TNFAIP8: variants seen among roughly 807,000 people sequenced by gnomAD.
TNFAIP8 encodes tumor necrosis factor alpha-induced protein 8.
In TNFAIP8, 7 loss-of-function variants were observed where a neutral mutation model predicts 13.3. That is an observed-to-expected ratio of 0.52 (90% confidence interval 0.30 to 0.99). The LOEUF (loss-of-function observed/expected upper bound fraction) is 0.99. Among genes scored for constraint, TNFAIP8 ranks in the 50% least tolerant of loss-of-function variants. The pLI is 0.07. For missense variants in TNFAIP8, 258 were observed against 236.9 expected (o/e 1.09, Z -0.58); for synonymous variants, 94 against 87.6 (o/e 1.07, Z -0.41).
chr5:119,356,909 G>C (rs1054962115), intron 1 of TNFAIP8, among the ~76,000 whole-genome samples: 2 of 152,104 alleles, frequency 1.3e-5, no homozygotes, highest in Non-Finnish European at 2.9e-5. Context: ...TAAGTGGGGG[G>C]TGGGAGTAAG....
Position 119,393,094 on chromosome 5 carries a change from A to T in TNFAIP8, c.310A>T (p.Lys104Ter). The T allele has an allele frequency of 1.9e-6, 3 of 1,613,948 alleles. No individual in the cohort carries two copies. The highest frequency in any genetic ancestry group is 2.5e-6 in the Non-Finnish European group (3 of 1,179,858). ...DELALMEKFK[K>*]KVHQLAMTVV... ...GCTAGCATTGATGGAGAAATTTAAG[A>T]AGAAAGTTCATCAGCTTGCTATGAC... Residue 104 changes from lysine (K) to a stop codon, truncating the protein, a stop_gained, in exon 2 of 2, where the codon AAG becomes TAG. Coordinates refer to ENST00000504771, the MANE Select transcript of TNFAIP8 (RefSeq NM_014350.4). LOFTEE classifies it high-confidence loss of function.
chr5:119,274,307 A>T (rs1030069919), intron 1 of TNFAIP8, among the ~76,000 whole-genome samples: 3 of 152,356 alleles, frequency 2.0e-5, no homozygotes, highest in Admixed American at 6.5e-5. Flanking sequence ...ACCTCATTCC[A>T]TCATTCTGTG....
At chr5:119,352,180 G>A (rs994254925), upstream of TNFAIP8, among the ~76,000 whole-genome samples, 3 of 152,162 alleles carry the variant, frequency 2.0e-5, no homozygotes, top group African/African-American at 7.2e-5. Flanking sequence ...CTTGTGTTAT[G>A]GAAGGGTAAA....
intron 1 of TNFAIP8, among the ~76,000 whole-genome samples, chr5:119,314,588 C>T (rs1749829216): frequency 6.6e-6 from 1 of 152,204 alleles, no homozygotes; most frequent in South Asian, 2.1e-4. Context: ...GAAACACTCA[C>T]AGGTGGTAGA....
chr5:119,391,099 G>T (rs1752875540), intron 1 of TNFAIP8, among the ~76,000 whole-genome samples: 1 of 151,302 alleles, frequency 6.6e-6, no homozygotes, highest in African/African-American at 2.4e-5. Flanking sequence ...CTGCCAATGT[G>T]CTGGGATTTC....
rs1258390133 is a variant in TNFAIP8 at position 119,356,116 on chromosome 5, A to G, written c.26A>G (p.Lys9Arg). The change falls in exon 1 of 2, where the codon AAG (lysine) becomes AGG (arginine). Residue 9 changes from lysine to arginine, a missense_variant. Physicochemically the swap from Lys to Arg is conservative, Grantham distance 26. Transcript: ENST00000504771. ...ATGCACTCCGAAGCAGAAGAATCCA[A>G]GGAAGGTAGGATTCTGGTTTCTCCT... MHSEAEES[K>R]EVATDVFNSK... The G allele has an allele frequency of 1.3e-6, 2 of 1,584,944 alleles. No individual in the cohort carries two copies. Among genetic ancestry groups the G allele is most frequent in the Non-Finnish European group, 1.7e-6 (2 of 1,163,510 alleles).
Position 119,395,979 on chromosome 5 carries a change from T to C in TNFAIP8, c.*2598T>C, listed in dbSNP as rs921873253. 1 of 152,206 alleles carries C rather than the reference T, an allele frequency of 6.6e-6. No individual in the cohort carries two copies. The highest frequency in any genetic ancestry group is 2.4e-5 in the African/African-American group (1 of 41,444). 9.4% of individuals were successfully genotyped at this position (152,206 alleles called of 1,614,324 possible). On this transcript the variant is annotated 3_prime_UTR_variant, in exon 2 of 2. Transcript: ENST00000504771. ...TATGATAAGTGGATGATAATACTAA[T>C]GGACAACTAACGCAGAGTAGTTTGT...
At chr5:119,348,799 G>C (rs779440594) in intron 1 of TNFAIP8, among the ~76,000 whole-genome samples, 13 of 144,958 alleles carry the variant, frequency 9.0e-5, no homozygotes, top group Non-Finnish European at 1.3e-4. Flanking sequence ...AGAATTGCTT[G>C]AACCTGGGAG....
chr5:119,316,655 G>A (rs528640928), intron 1 of TNFAIP8, among the ~76,000 whole-genome samples: 2 of 152,282 alleles, frequency 1.3e-5, no homozygotes, highest in Non-Finnish European at 2.9e-5. Context: ...AAATCCAGGT[G>A]CCTCAGGCCT....
intron 1 of TNFAIP8, among the ~76,000 whole-genome samples, chr5:119,344,754 A>G (rs1750846110): frequency 6.6e-6 from 1 of 152,226 alleles, no homozygotes; most frequent in East Asian, 1.9e-4. Flanking sequence ...TTGATGTGAG[A>G]TTAGAAATAA....
rs1752985472 is a variant in TNFAIP8, at chr5:119,393,578, A to G, written c.*197A>G. ...AAGCATATTGCCAAAAATTCTGGTTAAAAGCTTCCTAACGGGTAACAGACC... is the reference window on the plus strand; with the variant it reads ...AAGCATATTGCCAAAAATTCTGGTTGAAAGCTTCCTAACGGGTAACAGACC... On this transcript the variant is annotated 3_prime_UTR_variant, in exon 2 of 2. Transcript: ENST00000504771. 1 of 603,590 alleles carries G rather than the reference A, an allele frequency of 1.7e-6. No homozygotes were observed. Among genetic ancestry groups the G allele is most frequent in the Non-Finnish European group, 2.8e-6 (1 of 355,494 alleles). 37.4% of individuals were successfully genotyped at this position (603,590 alleles called of 1,614,324 possible). A position where few individuals can be genotyped will look rare whatever the true frequency, so the allele number is the denominator to read the frequency against.
chr5:119,355,139 G>C (rs1365657330), upstream of TNFAIP8: 9 of 593,536 alleles, frequency 1.5e-5, no homozygotes, highest in East Asian at 2.6e-4. Context: ...GGGCAGAATT[G>C]AGATCTGTTG....
chr5:119,327,009 A>G (rs1228020169), intron 1 of TNFAIP8, among the ~76,000 whole-genome samples: 1 of 152,186 alleles, frequency 6.6e-6, no homozygotes, highest in Non-Finnish European at 1.5e-5. Context: ...TGACAAGAAG[A>G]TAGAGGAGAC....
intron 1 of TNFAIP8, among the ~76,000 whole-genome samples, chr5:119,327,730 A>G (rs990883402): frequency 6.6e-6 from 1 of 152,170 alleles, no homozygotes; most frequent in African/African-American, 2.4e-5. Context: ...AAGTGCTGGG[A>G]TTACACGTGT....
intron 1 of TNFAIP8, among the ~76,000 whole-genome samples, chr5:119,325,830 C>T (rs1750208808): frequency 6.6e-6 from 1 of 152,220 alleles, no homozygotes; most frequent in Admixed American, 6.5e-5. Context: ...TCCCCTGAAG[C>T]ATGCCTGGCT....
At chr5:119,320,346 T>C (rs961366200) in intron 1 of TNFAIP8, among the ~76,000 whole-genome samples, 4 of 152,214 alleles carry the variant, frequency 2.6e-5, no homozygotes, top group Non-Finnish European at 5.9e-5. Context: ...TTTCCAGTTA[T>C]GGAAACATCC....
At chr5:119,309,305 AC>A (rs1413834577) in intron 1 of TNFAIP8, among the ~76,000 whole-genome samples, 3 of 152,198 alleles carry the variant, frequency 2.0e-5, no homozygotes, top group Non-Finnish European at 4.4e-5. Context: ...GAAGACACTT[AC>A]CATACTTTCA....
At chr5:119,288,685 A>G (rs1321424007) in intron 1 of TNFAIP8, among the ~76,000 whole-genome samples, 1 of 152,216 alleles carries the variant, frequency 6.6e-6, no homozygotes, top group Non-Finnish European at 1.5e-5. Context: ...ATAGGATGAA[A>G]TAATTTTACA....
intron 1 of TNFAIP8, among the ~76,000 whole-genome samples, chr5:119,298,717 C>T (rs1469273970): frequency 6.6e-6 from 1 of 152,084 alleles, no homozygotes; most frequent in Admixed American, 6.5e-5. Flanking sequence ...AACTAGGTTC[C>T]ATTCTCCCCG....
Sources: gnomAD v4.1 joint callset for allele counts (sites outside exome capture counted in the v4.1 genomes callset) on GRCh38, gnomAD v4.1.1 for gene constraint, MANE v1.5 for transcripts, NCBI Gene and HGNC (gene_info 2026-07-23, HGNC 2026-07-21) for gene names.